WWOX: variants seen among roughly 807,000 people sequenced by gnomAD.
The protein encoded by WWOX is WW domain-containing oxidoreductase.
In WWOX, 69 loss-of-function variants were observed where a neutral mutation model predicts 46.2. The observed-to-expected ratio is 1.49, with a 90% CI of 1.23 to 1.82. WWOX has a LOEUF of 1.82. Ranked by LOEUF, WWOX falls within the 40% of genes most tolerant of loss-of-function variation. WWOX has a pLI of 0.00. For synonymous variants in WWOX, 359 were observed against 202.6 expected (o/e 1.77, Z -6.56); for missense variants, 919 against 542.6 (o/e 1.69, Z -6.89).
At chr16:78,767,656 C>G (rs972353286) in intron 8 of WWOX, among the ~76,000 whole-genome samples, 1 of 152,170 alleles carries the variant, frequency 6.6e-6, no homozygotes, top group Non-Finnish European at 1.5e-5. Context: ...CTGTCTTCAA[C>G]AGCAGCCGCA....
chr16:78,723,736 G>A (rs772856589), intron 8 of WWOX, among the ~76,000 whole-genome samples: 9 of 151,706 alleles, frequency 5.9e-5, no homozygotes, highest in African/African-American at 1.9e-4. Flanking sequence ...GTTCACTCCT[G>A]ACAGTTCTTT....
At chr16:79,011,939 C>G (rs575227417) in intron 8 of WWOX, among the ~76,000 whole-genome samples, 2 of 152,330 alleles carry the variant, frequency 1.3e-5, no homozygotes, top group African/African-American at 4.8e-5. Flanking sequence ...CAGGCATGAG[C>G]CACTGTGCCT....
chr16:78,428,102 G>GTATA (rs947942745), intron 7 of WWOX, among the ~76,000 whole-genome samples: 1 of 152,134 alleles, frequency 6.6e-6, no homozygotes, highest in Admixed American at 6.6e-5. Context: ...AACCCCCACA[G>GTATA]TATATATAGA....
intron 8 of WWOX, among the ~76,000 whole-genome samples, chr16:79,096,016 A>ATTTTTTTTTTTTTTT (rs57621801): frequency 2.7e-4 from 22 of 82,006 alleles, no homozygotes; most frequent in African/African-American, 3.8e-4. Context: ...CACCCGGATA[A>ATTTTTTTTTTTTTTT]TTTTTTTTTT....
At chr16:78,955,699 G>A (rs191779182) in intron 8 of WWOX, among the ~76,000 whole-genome samples, 1 of 151,424 alleles carries the variant, frequency 6.6e-6, no homozygotes, top group Admixed American at 6.6e-5. Flanking sequence ...TGCCCAGGCT[G>A]GATGGAGTGC....
chr16:78,646,708 C>T (rs1020135930), intron 8 of WWOX, among the ~76,000 whole-genome samples: 2 of 152,152 alleles, frequency 1.3e-5, no homozygotes, highest in African/African-American at 4.8e-5. Flanking sequence ...GATTACAGGC[C>T]ATTGTGCCTG....
Position 78,507,296 on chromosome 16 carries a change from A to G in WWOX, c.1056+74544A>G, listed in dbSNP as rs189412586. Among the ~76,000 whole-genome samples, 5 of 152,350 alleles carry G rather than the reference A, an allele frequency of 3.3e-5. No individual in the cohort carries two copies. In the East Asian group the frequency reaches 7.7e-4, roughly 23 times the overall value. On this transcript the variant is annotated intron_variant, in intron 8 of 8. Coordinates refer to ENST00000566780, the MANE Select transcript of WWOX (RefSeq NM_016373.4). Reference sequence around the variant, plus strand: ...CCAAGAACCATAGATTGGACTTCACATTCAAAATGTAAATTGTGCCTAGGA... The same window carrying G: ...CCAAGAACCATAGATTGGACTTCACGTTCAAAATGTAAATTGTGCCTAGGA...
chr16:78,702,621 C>G (rs926422599), intron 8 of WWOX, among the ~76,000 whole-genome samples: 4 of 149,696 alleles, frequency 2.7e-5, no homozygotes, highest in African/African-American at 9.9e-5. Flanking sequence ...CACCACTGTA[C>G]TTCAGCCTGG....
intron 8 of WWOX, among the ~76,000 whole-genome samples, chr16:78,487,446 T>A (rs1383203839): frequency 6.6e-6 from 1 of 152,218 alleles, no homozygotes; most frequent in Non-Finnish European, 1.5e-5. Flanking sequence ...CTCTTACTAA[T>A]GTTCCGTCTT....
chr16:78,457,225 GT>G (rs2083841455), intron 8 of WWOX, among the ~76,000 whole-genome samples: 1 of 152,158 alleles, frequency 6.6e-6, no homozygotes, highest in Admixed American at 6.5e-5. Context: ...TCAGATAACA[GT>G]TCTTCTGGAA....
intron 8 of WWOX, among the ~76,000 whole-genome samples, chr16:78,868,106 A>G (rs1288682279): frequency 6.6e-6 from 1 of 152,228 alleles, no homozygotes; most frequent in Non-Finnish European, 1.5e-5. Context: ...CATCCATGAT[A>G]GCCAAACGCC....
intron 8 of WWOX, among the ~76,000 whole-genome samples, chr16:78,779,867 G>T (rs192055359): frequency 6.6e-6 from 1 of 152,156 alleles, no homozygotes; most frequent in Non-Finnish European, 1.5e-5. Context: ...CTGGGTGGAT[G>T]TAACACTTTC....
intron 8 of WWOX, among the ~76,000 whole-genome samples, chr16:78,487,982 A>C (rs1185808828): frequency 6.6e-6 from 1 of 152,204 alleles, no homozygotes; most frequent in Non-Finnish European, 1.5e-5. Flanking sequence ...AAGCTTCGAA[A>C]GAGGTACAGG....
intron 8 of WWOX, among the ~76,000 whole-genome samples, chr16:78,567,389 CA>C (rs749420776): frequency 0.012 from 1,608 of 138,410 alleles, 27 homozygotes; most frequent in African/African-American, 0.034. Context: ...ACTAAAAATA[CA>C]AAAAAAAAAA....
chr16:78,899,104 G>C (rs896133880), intron 8 of WWOX: 1 of 151,784 alleles, frequency 6.6e-6, no homozygotes, highest in African/African-American at 2.4e-5. Flanking sequence ...TAATGCACTG[G>C]CTATAGCCTG....
In WWOX at chr16:78,583,684, G is replaced by T. The variant is rs568926326; in HGVS notation, c.1056+150932G>T. 5.3e-4 allele frequency among the ~76,000 whole-genome samples: 81 copies of T among 152,298 alleles called. No homozygotes were observed. The South Asian group carries it at 5.4e-3, about 10-fold the overall frequency. ...AAGCCATCAGGCAGCGGGTTGGGGG[G>T]GTTGCTTGGCCCAGGAACCCGTGCC... On this transcript the variant is annotated intron_variant, in intron 8 of 8. Coordinates refer to ENST00000566780, the MANE Select transcript of WWOX (RefSeq NM_016373.4).
In WWOX at chr16:78,996,222, A is replaced by G. The variant is rs1299365483; in HGVS notation, c.1057-215386A>G. The G allele has an allele frequency of 9.1e-6, 9 of 984,968 alleles. No homozygotes were observed. In the South Asian group the frequency reaches 1.4e-4, roughly 15 times the overall value. The allele number at this position is 984,968 out of a possible 1,614,324, so 61.0% of individuals were successfully genotyped here. On this transcript the variant is annotated intron_variant, in intron 8 of 8. Transcript: ENST00000566780. ...TTTAGAAATTTTTGAAGACTTGTGG[A>G]TAGAAGAAGTAACCTTGAAAAGGGC... is the stretch of plus-strand genomic sequence containing the variant.
At position 78,589,872 on chromosome 16, in the gene WWOX, A is replaced by T. The variant is rs912172123; in HGVS notation, c.1056+157120A>T. Among the ~76,000 whole-genome samples, 3 of 152,160 alleles carry T rather than the reference A, an allele frequency of 2.0e-5. No individual in the cohort carries two copies. In the East Asian group the frequency reaches 5.8e-4, roughly 29 times the overall value. The stretch of plus-strand genomic sequence containing the variant: ...CTACTTCTTAGCTGCAAGGGGGGAA[A>T]AATGGAAAACTCCAGGGGAAGAGGG... On this transcript the variant is annotated intron_variant, in intron 8 of 8. Transcript: ENST00000566780.
chr16:78,322,380 A>T (rs1040608993), intron 5 of WWOX, among the ~76,000 whole-genome samples: 9 of 152,224 alleles, frequency 5.9e-5, no homozygotes, highest in African/African-American at 2.2e-4. Context: ...TTAAGGAAAT[A>T]GTATATGATA....
Sources: gnomAD v4.1 joint callset for allele counts (sites outside exome capture counted in the v4.1 genomes callset) on GRCh38, gnomAD v4.1.1 for gene constraint, MANE v1.5 for transcripts, NCBI Gene and HGNC (gene_info 2026-07-23, HGNC 2026-07-21) for gene names.